Variants in MAK observed in about 807,000 individuals in gnomAD.
The protein encoded by MAK is male germ cell associated kinase.
A neutral mutation model predicts 82.6 loss-of-function variants in MAK; 65 were observed. That is an observed-to-expected ratio of 0.79 (90% CI 0.64 to 0.97). The LOEUF (loss-of-function observed/expected upper bound fraction) is 0.97. Ranked by LOEUF, MAK falls within the 50% of genes least tolerant of loss-of-function variation. MAK has a pLI of 0.00. For missense variants in MAK, 703 were observed against 780.2 expected (o/e 0.90, Z 1.18); for synonymous variants, 250 against 274.2 (o/e 0.91, Z 0.87).
At position 10,774,441 on chromosome 6, in the gene MAK, TTCTC is replaced by T. The variant is rs371759783; in HGVS notation, c.1597+883_1597+886del. Among the ~76,000 whole-genome samples, 454 of 152,292 alleles carry T rather than the reference TTCTC, an allele frequency of 3.0e-3. 5 individuals carry two copies. The highest frequency in any genetic ancestry group is 0.01 in the African/African-American group (418 of 41,552). ...CTGGAATCACAGCATCAGGGCTATTTTCTCTCTCTTTTCTTTTTTCTTCCTTTTT... is the reference window on the plus strand; with the variant it reads ...CTGGAATCACAGCATCAGGGCTATTTTCTCTTTTCTTTTTTCTTCCTTTTT... On this transcript the variant is annotated intron_variant, in intron 12 of 14. Coordinates refer to ENST00000354489, the MANE Select transcript of MAK (RefSeq NM_001242957.3).
intron 8 of MAK, among the ~76,000 whole-genome samples, chr6:10,798,383 G>A (rs1315475913): frequency 6.6e-6 from 1 of 152,040 alleles, no homozygotes; most frequent in Non-Finnish European, 1.5e-5. Flanking sequence ...AAAGTGCTAG[G>A]ATTACAGGTA....
chr6:10,822,048 G>A (rs755489959), intron 2 of MAK, among the ~76,000 whole-genome samples: 3 of 150,486 alleles, frequency 2.0e-5, no homozygotes, highest in African/African-American at 7.4e-5. Flanking sequence ...TTGGGAGGCT[G>A]AGGCAGGAGA....
intron 4 of MAK, 55 bp from the exon 5 acceptor site, chr6:10,813,778 A>G (rs1223344738): frequency 5.0e-6 from 5 of 995,390 alleles, no homozygotes; most frequent in Non-Finnish European, 8.1e-6. Context: ...CAACCAATCC[A>G]AAGAAGGTTT....
At chr6:10,778,273 T>C (rs932184263) in intron 11 of MAK, among the ~76,000 whole-genome samples, 3 of 152,202 alleles carry the variant, frequency 2.0e-5, no homozygotes, top group Admixed American at 2.0e-4. Context: ...ACAGTTTTAG[T>C]CATAACTAAG....
intron 14 of MAK, 75 bp from the exon 15 acceptor site, chr6:10,764,681 C>G (rs1359249878): frequency 4.0e-5 from 52 of 1,288,250 alleles, no homozygotes; most frequent in Non-Finnish European, 5.5e-5. Context: ...AATTCATCCT[C>G]TCATTTGATG....
At chr6:10,788,650 T>G (rs1393462664) in intron 10 of MAK, among the ~76,000 whole-genome samples, 1 of 151,962 alleles carries the variant, frequency 6.6e-6, no homozygotes, top group Non-Finnish European at 1.5e-5. Context: ...ACAGGAGAAT[T>G]GCTTGAACCC....
At chr6:10,833,630 T>TA (rs1420613322) in intron 1 of MAK, among the ~76,000 whole-genome samples, 1 of 151,138 alleles carries the variant, frequency 6.6e-6, no homozygotes, top group Non-Finnish European at 1.5e-5. Flanking sequence ...ATAATAATAA[T>TA]AATAATAATA....
At chr6:10,797,195 G>A (rs1043844138) in intron 8 of MAK, among the ~76,000 whole-genome samples, 11 of 152,088 alleles carry the variant, frequency 7.2e-5, no homozygotes, top group African/African-American at 2.7e-4. Flanking sequence ...TACCAGCAAA[G>A]AGAAGACATT....
At chr6:10,822,446 C>T (rs893720694) in intron 2 of MAK, among the ~76,000 whole-genome samples, 6 of 150,936 alleles carry the variant, frequency 4.0e-5, no homozygotes, top group Non-Finnish European at 8.9e-5. Flanking sequence ...AAGAGCAAAA[C>T]TCCGTCTCAA....
chr6:10,766,729 T>C (rs1270052000), intron 14 of MAK, among the ~76,000 whole-genome samples: 1 of 152,036 alleles, frequency 6.6e-6, no homozygotes, highest in Non-Finnish European at 1.5e-5. Context: ...AAGCCCCGCT[T>C]ATTCAGGGAG....
chr6:10,828,288 T>C (rs1177277319), intron 2 of MAK, among the ~76,000 whole-genome samples: 1 of 152,138 alleles, frequency 6.6e-6, no homozygotes, highest in Non-Finnish European at 1.5e-5. Context: ...ACGGGACTGG[T>C]TCTGGTGGAA....
rs765158321 is a variant in MAK at position 10,830,637 on chromosome 6, G to A, written c.12C>T (p.Tyr4=). 4 of 1,613,478 alleles carry A rather than the reference G, an allele frequency of 2.5e-6. No homozygotes were observed. The South Asian group carries it at 3.3e-5, about 13-fold the overall frequency. The change falls in exon 2 of 15, where the codon TAC becomes TAT. Residue 4 remains tyrosine (Y), a synonymous_variant. Transcript: ENST00000354489. ...CGTCCCCCAACTGTCTCATGGTTGT[G>A]TATCGGTTCATCTTGGAAAAATAAT... MNR[Y]TTMRQLGDGT...
chr6:10,784,629 C>G (rs1288307634), intron 10 of MAK, 57 bp from the exon 11 acceptor site: 1 of 1,475,728 alleles, frequency 6.8e-7, no homozygotes, highest in Non-Finnish European at 9.4e-7. Context: ...ATCTCGCCCA[C>G]CCTCTGCACA....
Position 10,830,702 on chromosome 6 carries a change from TA to T in MAK, c.-55del. ...TGATTGAAATGACTTCCTTGTTGAATATAAATTTGAACGCTTCTTAATTTTT... is the reference window on the plus strand; with the variant it reads ...TGATTGAAATGACTTCCTTGTTGAATTAAATTTGAACGCTTCTTAATTTTT... On this transcript the variant is annotated 5_prime_UTR_variant, in exon 2 of 15. Coordinates refer to ENST00000354489, the MANE Select transcript of MAK (RefSeq NM_001242957.3). 1 of 1,374,424 alleles carries T rather than the reference TA, an allele frequency of 7.3e-7. No homozygotes were observed. Among genetic ancestry groups the T allele is most frequent in the East Asian group, 2.3e-5 (1 of 43,702 alleles). 85.1% of individuals were successfully genotyped at this position (1,374,424 alleles called of 1,614,324 possible).
Position 10,764,574 on chromosome 6 carries a change from G to GC in MAK, c.1824dup (p.Gln609AlafsTer8), listed in dbSNP as rs1561922707. 6.2e-7 allele frequency: 1 copy of GC among 1,613,882 alleles called. No individual in the cohort carries two copies. Among genetic ancestry groups the GC allele is most frequent in the Non-Finnish European group, 8.5e-7 (1 of 1,179,890 alleles). On this transcript the variant is annotated frameshift_variant, in exon 15 of 15. Transcript: ENST00000354489. LOFTEE classifies it high-confidence loss of function. ...GGATTATAAGTACGTCCTGAAAACT[G>GC]CCCCCGACCAGTTTTTGTGTTCCAG...
chr6:10,836,870 CTTAA>C (rs1779178502), intron 1 of MAK, among the ~76,000 whole-genome samples: 1 of 152,160 alleles, frequency 6.6e-6, no homozygotes, highest in Non-Finnish European at 1.5e-5. Flanking sequence ...TATTTAGAGG[CTTAA>C]TTATAGACCT....
chr6:10,815,033 T>C (rs1452291810), intron 4 of MAK, among the ~76,000 whole-genome samples: 3 of 140,808 alleles, frequency 2.1e-5, no homozygotes, highest in South Asian at 2.2e-4. Flanking sequence ...CGAGACTCCA[T>C]CTCAAAAAAA....
At chr6:10,797,853 C>T in intron 8 of MAK, 4 of 1,285,260 alleles carry the variant, frequency 3.1e-6, no homozygotes, top group Non-Finnish European at 4.0e-6. Flanking sequence ...TAGGTCTTTC[C>T]ACTTCCACTA....
chr6:10,822,502 C>T (rs1778038617), intron 2 of MAK, among the ~76,000 whole-genome samples: 1 of 152,134 alleles, frequency 6.6e-6, no homozygotes, highest in South Asian at 2.1e-4. Context: ...GATGTACTCT[C>T]TTCATCTCTT....
Sources: allele counts gnomAD v4.1 joint callset (sites outside exome capture counted in the v4.1 genomes callset), GRCh38; gene constraint gnomAD v4.1.1; transcripts MANE v1.5; gene names NCBI Gene and HGNC (gene_info 2026-07-23, HGNC 2026-07-21).